Variants in ATL3 observed in about 807,000 individuals in gnomAD.
The protein encoded by ATL3 is atlastin GTPase 3, also known as atlastin-3.
A neutral mutation model predicts 69.5 loss-of-function variants in ATL3; 49 were observed. The observed-to-expected ratio is 0.71, with a 90% CI of 0.56 to 0.89. The LOEUF (loss-of-function observed/expected upper bound fraction) is 0.89, where lower values mean the gene tolerates loss of function less well. Among genes scored for constraint, ATL3 ranks in the 40% least tolerant of loss-of-function variants. ATL3 has a pLI of 0.00. For missense variants in ATL3, 606 were observed against 645.7 expected (o/e 0.94, Z 0.67); for synonymous variants, 214 against 224.1 (o/e 0.95, Z 0.40).
At position 63,652,497 on chromosome 11, in the gene ATL3, G is replaced by A. The variant is rs1386915087; in HGVS notation, c.484C>T (p.Leu162=). 1 of 1,609,268 alleles carries A rather than the reference G, an allele frequency of 6.2e-7. No individual in the cohort carries two copies. The highest frequency in any genetic ancestry group is 1.3e-5 in the African/African-American group (1 of 74,838). The change falls in exon 4 of 13, where the codon CTA becomes TTA. Residue 162 remains leucine (L), a synonymous_variant. Transcript: ENST00000398868. ...TVKDCATIFA[L]STMTSSVQIY... ...TGAACAGAACTAGTCATAGTGCTTA[G>A]AGCAAAGATGGTAGCACAGTCTTTC...
intron 1 of ATL3, among the ~76,000 whole-genome samples, chr11:63,665,707 G>A (rs551122520): frequency 1.1e-4 from 16 of 152,028 alleles, no homozygotes; most frequent in Admixed American, 5.2e-4. Flanking sequence ...TGGGCAACAC[G>A]GCGAAACCCC....
rs1940284540 is a variant in ATL3 at position 63,657,253 on chromosome 11, T to G, written c.405+1508A>C. Among the ~76,000 whole-genome samples, 3 of 149,934 alleles carry G rather than the reference T, an allele frequency of 2.0e-5. No homozygotes were observed. The South Asian group carries it at 6.3e-4, about 32-fold the overall frequency. ...GGACAAACAGGTGTGAAGGCATGCT[T>G]ATAGGATTGGGCTAAAAACAGAAGT... On this transcript the variant is annotated intron_variant, in intron 3 of 12. Coordinates refer to ENST00000398868, the MANE Select transcript of ATL3 (RefSeq NM_015459.5).
At chr11:63,634,971 G>A (rs1939467194) in intron 10 of ATL3, among the ~76,000 whole-genome samples, 1 of 152,110 alleles carries the variant, frequency 6.6e-6, no homozygotes, top group East Asian at 1.9e-4. Flanking sequence ...AGACCAGCCT[G>A]GGCAACATGG....
intron 5 of ATL3, among the ~76,000 whole-genome samples, chr11:63,648,436 G>A (rs769430303): frequency 6.6e-6 from 1 of 152,198 alleles, no homozygotes; most frequent in Non-Finnish European, 1.5e-5. Context: ...CAGTACACAA[G>A]GCCTATCCTC....
At chr11:63,649,335 G>A (rs965140816) in intron 5 of ATL3, among the ~76,000 whole-genome samples, 17 of 151,718 alleles carry the variant, frequency 1.1e-4, no homozygotes, top group African/African-American at 3.9e-4. Flanking sequence ...TAGTAGAGAC[G>A]GGGTTTCACC....
At chr11:63,671,527 C>T, upstream of ATL3, 5 of 1,429,484 alleles carry the variant, frequency 3.5e-6, no homozygotes, top group Non-Finnish European at 4.6e-6. Context: ...ACGGACAGCC[C>T]GAGGCGTGGC....
intron 8 of ATL3, among the ~76,000 whole-genome samples, chr11:63,636,866 G>GAAGAC (rs1233706191): frequency 1.3e-5 from 2 of 152,182 alleles, no homozygotes; most frequent in African/African-American, 4.8e-5. Flanking sequence ...CTTCCCCACT[G>GAAGAC]TAGTAGAAAG....
chr11:63,656,792 T>C (rs1940266223), intron 3 of ATL3, among the ~76,000 whole-genome samples: 1 of 150,456 alleles, frequency 6.6e-6, no homozygotes, highest in African/African-American at 2.4e-5. Context: ...TTTGAAGTAC[T>C]GAGAAAAATA....
intron 8 of ATL3, 91 bp from the exon 9 acceptor site, chr11:63,636,425 CT>C: frequency 6.5e-7 from 1 of 1,529,260 alleles, no homozygotes; most frequent in Non-Finnish European, 8.9e-7. Flanking sequence ...CAGTCTAGTG[CT>C]TTTAACATTG....
chr11:63,637,849 G>C (rs1939570724), intron 8 of ATL3: 1 of 152,146 alleles, frequency 6.6e-6, no homozygotes, highest in Non-Finnish European at 1.5e-5. Context: ...TAACCTTGCA[G>C]TGAAAAAGTA....
chr11:63,670,876 C>A (rs1170094642), intron 1 of ATL3, among the ~76,000 whole-genome samples: 1 of 152,222 alleles, frequency 6.6e-6, no homozygotes. Flanking sequence ...GCGCTGAGTG[C>A]CCGGGCACGG....
At position 63,643,357 on chromosome 11, in the gene ATL3, C is replaced by G. The variant is rs2134488030; in HGVS notation, c.850G>C (p.Asp284His). 1 of 1,603,692 alleles carries G rather than the reference C, an allele frequency of 6.2e-7. No individual in the cohort carries two copies. Among genetic ancestry groups the G allele is most frequent in the South Asian group, 1.1e-5 (1 of 88,688 alleles). Reference protein sequence around the residue: ...TSPDFDGKLKDIAGEFKEQLQ... With the variant: ...TSPDFDGKLKHIAGEFKEQLQ... ...GTTTAAAATAACACCTGGAACACAC[C>G]TTTTAATTTCCCATCAAAGTCAGGG... The change falls in exon 8 of 13, where the codon GAT becomes CAT. Residue 284 changes from aspartate to histidine, a missense_variant and splice_region_variant. Physicochemically the swap from Asp to His is moderately conservative, Grantham distance 81. Coordinates refer to ENST00000398868, the MANE Select transcript of ATL3 (RefSeq NM_015459.5).
In ATL3 at chr11:63,635,326, C is replaced by T. The variant is rs554520325; in HGVS notation, c.1035+208G>A. ...TAGGCCCAGTGAGGAGAGGCCATTTCGTTTTAACTGTACCACCATGAATAC... is the reference window on the plus strand; with the variant it reads ...TAGGCCCAGTGAGGAGAGGCCATTTTGTTTTAACTGTACCACCATGAATAC... On this transcript the variant is annotated intron_variant, in intron 10 of 12. Coordinates refer to ENST00000398868, the MANE Select transcript of ATL3 (RefSeq NM_015459.5). Among the ~76,000 whole-genome samples, 5 of 152,164 alleles carry T rather than the reference C, an allele frequency of 3.3e-5. 1 individual carries two copies. The highest frequency in any genetic ancestry group is 4.1e-4 in the South Asian group (2 of 4,820).
At chr11:63,637,670 A>G (rs1000736925) in intron 8 of ATL3, 3 of 152,202 alleles carry the variant, frequency 2.0e-5, no homozygotes, top group Non-Finnish European at 2.9e-5. Flanking sequence ...TAAAATACAG[A>G]AAAGCTGATT....
chr11:63,656,052 G>A (rs1452028538), intron 3 of ATL3, among the ~76,000 whole-genome samples: 4 of 151,820 alleles, frequency 2.6e-5, no homozygotes, highest in Admixed American at 6.6e-5. Context: ...GTGAAACCCC[G>A]TCTCTACTAA....
At chr11:63,642,394 T>TA (rs1939728210) in intron 8 of ATL3, among the ~76,000 whole-genome samples, 1 of 152,256 alleles carries the variant, frequency 6.6e-6, no homozygotes, top group Non-Finnish European at 1.5e-5. Context: ...TTGGATCAAC[T>TA]AAATCAAATA....
rs1224779302 is a variant in ATL3, at chr11:63,625,636, A to C, written c.*3683T>G. 3 of 152,212 alleles carry C rather than the reference A, an allele frequency of 2.0e-5. No individual in the cohort carries two copies. Among genetic ancestry groups the C allele is most frequent in the Non-Finnish European group, 4.4e-5 (3 of 68,046 alleles). The allele number at this position is 152,212 out of a possible 1,614,324, so 9.4% of individuals were successfully genotyped here. A position where few individuals can be genotyped will look rare whatever the true frequency, so the allele number is the denominator to read the frequency against. ...CACTAATGAAACCAACCACCAGTAC[A>C]AGGCAGTATTTTTGTGTGTTTGACC... On this transcript the variant is annotated 3_prime_UTR_variant, in exon 13 of 13. Transcript: ENST00000398868.
chr11:63,666,319 G>A (rs1191614130), intron 1 of ATL3, among the ~76,000 whole-genome samples: 1 of 152,004 alleles, frequency 6.6e-6, no homozygotes, highest in Non-Finnish European at 1.5e-5. Flanking sequence ...GATTACAGGC[G>A]TGAGCCACCG....
intron 1 of ATL3, among the ~76,000 whole-genome samples, chr11:63,671,012 G>A (rs1402615678): frequency 6.6e-6 from 1 of 152,140 alleles, no homozygotes; most frequent in Non-Finnish European, 1.5e-5. Flanking sequence ...CCCAGGGGAG[G>A]AGCTGGAGGA....
Sources: allele counts gnomAD v4.1 joint callset (sites outside exome capture counted in the v4.1 genomes callset), GRCh38; gene constraint gnomAD v4.1.1; transcripts MANE v1.5; gene names NCBI Gene and HGNC (gene_info 2026-07-23, HGNC 2026-07-21).